SCFD2: variants seen among roughly 807,000 people sequenced by gnomAD.
SCFD2 encodes sec1 family domain containing 2.
In SCFD2, 54 loss-of-function variants were observed where a neutral mutation model predicts 58.9. That is an observed-to-expected ratio of 0.92 (90% CI 0.74 to 1.15). The LOEUF (loss-of-function observed/expected upper bound fraction) is 1.15. Ranked by LOEUF, SCFD2 falls within the 50% of genes most tolerant of loss-of-function variation. The pLI, the probability that SCFD2 is intolerant of heterozygous loss-of-function variation, is 0.00. For synonymous variants in SCFD2, 321 were observed against 335.9 expected, an observed-to-expected ratio of 0.96 and a Z score of 0.49; for missense variants, 805 against 836.6, an observed-to-expected ratio of 0.96 and a Z score of 0.47.
At chr4:52,955,510 C>T (rs1017488962) in intron 5 of SCFD2, among the ~76,000 whole-genome samples, 2 of 152,162 alleles carry the variant, frequency 1.3e-5, no homozygotes. Flanking sequence ...GGTGCTGTGC[C>T]TAGCGTCAGT....
chr4:53,019,995 G>A (rs1417132666), intron 5 of SCFD2, among the ~76,000 whole-genome samples: 4 of 152,234 alleles, frequency 2.6e-5, no homozygotes, highest in South Asian at 2.1e-4. Flanking sequence ...AAAGGTCAAC[G>A]CTGGGCTACT....
At chr4:52,920,674 A>G in intron 6 of SCFD2, 51 bp downstream of exon 6, 1 of 1,361,012 alleles carries the variant, frequency 7.3e-7, no homozygotes, top group Non-Finnish European at 1.0e-6. Context: ...TAGACTCTGA[A>G]TCCTAGAAGT....
intron 1 of SCFD2, 145 bp from the exon 2 acceptor site, chr4:53,352,911 G>A (rs1399338193): frequency 5.8e-6 from 4 of 685,406 alleles, no homozygotes; most frequent in East Asian, 2.7e-5. Context: ...CCTTCATACA[G>A]CTAATCACAT....
chr4:53,114,651 T>C (rs1725269650), intron 5 of SCFD2, among the ~76,000 whole-genome samples: 1 of 152,154 alleles, frequency 6.6e-6, no homozygotes, highest in South Asian at 2.1e-4. Context: ...GTGATGTAGC[T>C]ATTTTCAGTT....
At chr4:52,935,994 C>T (rs189665089) in intron 5 of SCFD2, among the ~76,000 whole-genome samples, 5 of 152,162 alleles carry the variant, frequency 3.3e-5, no homozygotes, top group African/African-American at 1.2e-4. Context: ...TGCACCACCA[C>T]GCCCAGCTAA....
rs186237163 is a variant in SCFD2 at position 53,197,923 on chromosome 4, C to A, written c.1312-52341G>T. ...TGTCTTCATATTTTCCAGGAATAAA[C>A]CTTTTCTTTCCATCTGTCTAGGATG... On this transcript the variant is annotated intron_variant, in intron 4 of 8. Transcript: ENST00000401642. 2.9e-3 allele frequency among the ~76,000 whole-genome samples: 435 copies of A among 152,042 alleles called. 10 individuals carry two copies. The highest frequency in any genetic ancestry group is 1.2e-3 in the Non-Finnish European group (84 of 67,926).
intron 6 of SCFD2, among the ~76,000 whole-genome samples, chr4:52,917,072 A>T (rs1169943053): frequency 6.6e-6 from 1 of 151,990 alleles, no homozygotes; most frequent in Non-Finnish European, 1.5e-5. Context: ...TAATTTTTTT[A>T]AATTTAAGAA....
rs78723276 is a variant in SCFD2, at chr4:53,355,501, A to G, written c.839-2735T>C. Reference sequence around the variant, plus strand: ...GGGCAGAGCTAAGATTACTATAACTAAGCTCTCGTAATCTCTTTAGTAACA... The same window carrying G: ...GGGCAGAGCTAAGATTACTATAACTGAGCTCTCGTAATCTCTTTAGTAACA... On this transcript the variant is annotated intron_variant, in intron 1 of 8. Coordinates refer to ENST00000401642, the MANE Select transcript of SCFD2 (RefSeq NM_152540.4). 8.8e-3 allele frequency among the ~76,000 whole-genome samples: 1,337 copies of G among 152,272 alleles called. 24 individuals carry two copies. The highest frequency in any genetic ancestry group is 0.03 in the African/African-American group (1,265 of 41,548).
intron 5 of SCFD2, among the ~76,000 whole-genome samples, chr4:53,123,329 C>T (rs1011415163): frequency 1.3e-5 from 2 of 152,140 alleles, no homozygotes; most frequent in Non-Finnish European, 2.9e-5. Context: ...AGGCTGTGTA[C>T]ATATAGAGCT....
rs1420488205 is a variant in SCFD2, at chr4:53,217,496, T to C, written c.1311+56330A>G. ...CTTTTTTTGTTTTCCATTTGCTTGG[T>C]AGATCTTCCTCCATCCCTTTATTTT... On this transcript the variant is annotated intron_variant, in intron 4 of 8. Coordinates refer to ENST00000401642, the MANE Select transcript of SCFD2 (RefSeq NM_152540.4). Among the ~76,000 whole-genome samples the C allele has an allele frequency of 1.1e-3, 168 of 152,346 alleles. 4 individuals are homozygous for C. The highest frequency in any genetic ancestry group is 2.2e-4 in the Non-Finnish European group (15 of 68,034).
intron 5 of SCFD2, chr4:52,950,448 G>C (rs1174466787): frequency 1.3e-5 from 2 of 152,146 alleles, no homozygotes; most frequent in Non-Finnish European, 2.9e-5. Context: ...AAAGCCCTGG[G>C]GGAGAGAGAG....
At chr4:53,327,701 C>T in intron 2 of SCFD2, among the ~76,000 whole-genome samples, 1 of 152,134 alleles carries the variant, frequency 6.6e-6, no homozygotes, top group Non-Finnish European at 1.5e-5. Context: ...AGTAAATCTA[C>T]TGAGGGATAA....
At chr4:53,065,462 C>T (rs886675127) in intron 5 of SCFD2, among the ~76,000 whole-genome samples, 6 of 151,998 alleles carry the variant, frequency 3.9e-5, no homozygotes, top group African/African-American at 7.2e-5. Context: ...TCTCTGAAAT[C>T]CTGCTGAGAA....
At chr4:53,016,386 A>C (rs1182230170) in intron 5 of SCFD2, among the ~76,000 whole-genome samples, 2 of 152,234 alleles carry the variant, frequency 1.3e-5, no homozygotes, top group Non-Finnish European at 2.9e-5. Context: ...TTTTTGATTA[A>C]CACTCCTGGA....
intron 5 of SCFD2, among the ~76,000 whole-genome samples, chr4:52,974,274 T>C (rs1186774748): frequency 6.6e-6 from 1 of 152,108 alleles, no homozygotes; most frequent in South Asian, 2.1e-4. Flanking sequence ...GAAAACCCCA[T>C]CGTCTCAGCC....
chr4:53,142,035 G>A (rs1388530242), intron 5 of SCFD2, among the ~76,000 whole-genome samples: 1 of 152,100 alleles, frequency 6.6e-6, no homozygotes, highest in Non-Finnish European at 1.5e-5. Flanking sequence ...AGATTTCTAG[G>A]TATTCTTTAA....
chr4:52,886,110 T>C (rs1718734372), intron 7 of SCFD2, among the ~76,000 whole-genome samples: 2 of 152,216 alleles, frequency 1.3e-5, no homozygotes, highest in African/African-American at 4.8e-5. Flanking sequence ...CCATTTGGTG[T>C]GTTTTCCTCT....
At chr4:53,290,289 G>A (rs1232133859) in intron 3 of SCFD2, among the ~76,000 whole-genome samples, 1 of 152,056 alleles carries the variant, frequency 6.6e-6, no homozygotes, top group Non-Finnish European at 1.5e-5. Context: ...AACCAAAGTG[G>A]TGAGAAACCA....
chr4:52,905,212 C>T (rs1248337641), intron 7 of SCFD2, among the ~76,000 whole-genome samples: 1 of 152,224 alleles, frequency 6.6e-6, no homozygotes, highest in Non-Finnish European at 1.5e-5. Context: ...ATGGCCTCAC[C>T]TCTATCTCAA....
Sources: allele counts gnomAD v4.1 joint callset (sites outside exome capture counted in the v4.1 genomes callset), GRCh38; gene constraint gnomAD v4.1.1; transcripts MANE v1.5; gene names NCBI Gene and HGNC (gene_info 2026-07-23, HGNC 2026-07-21).